Variants in NKAIN3 observed in about 807,000 individuals in gnomAD.
NKAIN3 encodes sodium/potassium-transporting ATPase subunit beta-1-interacting protein 3.
A neutral mutation model predicts 30.2 loss-of-function variants in NKAIN3; 25 were observed. That is an observed-to-expected ratio of 0.83 (90% confidence interval 0.60 to 1.16). The LOEUF is 1.16. NKAIN3 is among the 50% of genes most tolerant of loss of function. NKAIN3 has a pLI of 0.00. For synonymous variants in NKAIN3, 91 were observed against 89.6 expected (o/e 1.02, Z -0.09); for missense variants, 225 against 254.1 (o/e 0.89, Z 0.78).
chr8:62,953,025 CA>C (rs373651775), intron 5 of NKAIN3, among the ~76,000 whole-genome samples: 5 of 151,580 alleles, frequency 3.3e-5, no homozygotes, highest in South Asian at 2.1e-4. Flanking sequence ...AATTTTTTGC[CA>C]AAAAAATGCT....
chr8:62,638,443 G>A (rs192370818), intron 3 of NKAIN3, among the ~76,000 whole-genome samples: 1 of 152,108 alleles, frequency 6.6e-6, no homozygotes, highest in Non-Finnish European at 1.5e-5. Context: ...CTAGAGACAG[G>A]ATATGGTATG....
intron 4 of NKAIN3, among the ~76,000 whole-genome samples, chr8:62,759,226 C>G (rs905137275): frequency 3.9e-5 from 6 of 151,978 alleles, no homozygotes; most frequent in Admixed American, 1.3e-4. Context: ...TACATAGAAC[C>G]TTCATGGATG....
intron 3 of NKAIN3, among the ~76,000 whole-genome samples, chr8:62,593,919 C>T (rs1309072421): frequency 6.6e-6 from 1 of 151,946 alleles, no homozygotes; most frequent in Non-Finnish European, 1.5e-5. Context: ...GGTGGGGATC[C>T]TCAGTGGGGG....
At chr8:62,862,193 A>G (rs1352477374) in intron 4 of NKAIN3, among the ~76,000 whole-genome samples, 1 of 152,220 alleles carries the variant, frequency 6.6e-6, no homozygotes, top group Non-Finnish European at 1.5e-5. Flanking sequence ...TCTCATTTAC[A>G]TGGCAGATCC....
At chr8:62,457,948 C>T (rs1805869005) in intron 1 of NKAIN3, among the ~76,000 whole-genome samples, 1 of 152,166 alleles carries the variant, frequency 6.6e-6, no homozygotes, top group South Asian at 2.1e-4. Context: ...GTAATTATCT[C>T]ACTATTGATT....
intron 5 of NKAIN3, among the ~76,000 whole-genome samples, chr8:62,940,538 AT>A (rs923266117): frequency 2.0e-5 from 3 of 152,126 alleles, no homozygotes; most frequent in Non-Finnish European, 4.4e-5. Flanking sequence ...GTCTCAACAA[AT>A]TTATGAAAAT....
At chr8:62,335,811 A>G (rs1261267649) in intron 1 of NKAIN3, among the ~76,000 whole-genome samples, 8 of 151,972 alleles carry the variant, frequency 5.3e-5, no homozygotes, top group African/African-American at 1.4e-4. Flanking sequence ...TAAAAACTTT[A>G]TGGGACCCCT....
At chr8:62,735,578 C>T (rs116733347) in intron 3 of NKAIN3, among the ~76,000 whole-genome samples, 4,496 of 152,094 alleles carry the variant, frequency 0.03, 233 homozygotes, top group African/African-American at 0.1. Flanking sequence ...TTTAAGTTGG[C>T]ATTCACCTTT....
chr8:62,473,691 C>T (rs1318014071), intron 1 of NKAIN3, among the ~76,000 whole-genome samples: 1 of 152,120 alleles, frequency 6.6e-6, no homozygotes, highest in East Asian at 1.9e-4. Flanking sequence ...GATCGTTTCT[C>T]CTGGTACTTG....
chr8:62,795,543 A>G (rs1817832455), intron 4 of NKAIN3, among the ~76,000 whole-genome samples: 1 of 152,172 alleles, frequency 6.6e-6, no homozygotes, highest in African/African-American at 2.4e-5. Context: ...TACTCGCTAT[A>G]GAACGTTCAG....
At chr8:62,950,917 C>A (rs1401664198) in intron 5 of NKAIN3, among the ~76,000 whole-genome samples, 2 of 143,018 alleles carry the variant, frequency 1.4e-5, no homozygotes, top group Admixed American at 7.2e-5. Flanking sequence ...TCAAGGTATG[C>A]GAGATGCATG....
chr8:62,289,076 T>C (rs1813482744), intron 1 of NKAIN3, among the ~76,000 whole-genome samples: 2 of 152,310 alleles, frequency 1.3e-5, no homozygotes, highest in South Asian at 4.1e-4. Flanking sequence ...TTTGCCCACT[T>C]TTTGATGGGG....
intron 4 of NKAIN3, among the ~76,000 whole-genome samples, chr8:62,825,059 A>C (rs1211816884): frequency 6.6e-6 from 1 of 152,202 alleles, no homozygotes; most frequent in Non-Finnish European, 1.5e-5. Context: ...GAGGTATTTC[A>C]GCAAAGAAAG....
intron 1 of NKAIN3, among the ~76,000 whole-genome samples, chr8:62,540,617 C>T (rs545378928): frequency 4.5e-4 from 69 of 152,156 alleles, no homozygotes; most frequent in Non-Finnish European, 8.2e-4. Context: ...TCTCAGAACC[C>T]TCTGGCTTAA....
chr8:62,481,922 G>C (rs1212189027), intron 1 of NKAIN3, among the ~76,000 whole-genome samples: 1 of 152,172 alleles, frequency 6.6e-6, no homozygotes, highest in Non-Finnish European at 1.5e-5. Context: ...TGTGAATGGT[G>C]GTTAGGTGGC....
At chr8:62,467,601 A>G (rs1168270989) in intron 1 of NKAIN3, among the ~76,000 whole-genome samples, 1 of 152,180 alleles carries the variant, frequency 6.6e-6, no homozygotes, top group Non-Finnish European at 1.5e-5. Flanking sequence ...TTGGAGGAAG[A>G]TAATTTGGAA....
At chr8:62,923,709 G>C (rs981944722) in intron 5 of NKAIN3, among the ~76,000 whole-genome samples, 1 of 152,122 alleles carries the variant, frequency 6.6e-6, no homozygotes, top group African/African-American at 2.4e-5. Context: ...TTTAGGAGTC[G>C]ACTCATCTGC....
intron 1 of NKAIN3, among the ~76,000 whole-genome samples, chr8:62,568,798 T>C (rs190161964): frequency 2.2e-4 from 33 of 152,332 alleles, no homozygotes; most frequent in African/African-American, 7.9e-4. Context: ...ATTTCACTTC[T>C]TGAGATATAG....
At chr8:62,594,470 T>G (rs973516177) in intron 3 of NKAIN3, among the ~76,000 whole-genome samples, 6 of 152,068 alleles carry the variant, frequency 3.9e-5, no homozygotes, top group African/African-American at 1.4e-4. Context: ...TGCTCCTTTA[T>G]AGATCAAATC....
Sources: gnomAD v4.1 joint callset for allele counts (sites outside exome capture counted in the v4.1 genomes callset) on GRCh38, gnomAD v4.1.1 for gene constraint, MANE v1.5 for transcripts, NCBI Gene and HGNC (gene_info 2026-07-23, HGNC 2026-07-21) for gene names.